FHIT: variants seen among roughly 807,000 people sequenced by gnomAD.
FHIT encodes the protein fragile histidine triad diadenosine triphosphatase, also known as bis(5'-adenosyl)-triphosphatase.
In FHIT, 19 loss-of-function variants were observed where a neutral mutation model predicts 17.9. The observed-to-expected ratio is 1.06, with a 90% confidence interval of 0.74 to 1.56. FHIT has a LOEUF of 1.56. Among genes scored for constraint, FHIT ranks in the 40% most tolerant of loss-of-function variants. The pLI is 0.00. For missense variants in FHIT, 248 were observed against 189.2 expected (o/e 1.31, Z -1.82); for synonymous variants, 81 against 69.7 (o/e 1.16, Z -0.81).
intron 3 of FHIT, among the ~76,000 whole-genome samples, chr3:60,845,170 A>C (rs1702880909): frequency 6.6e-6 from 1 of 152,154 alleles, no homozygotes. Flanking sequence ...TTTTGTAAAA[A>C]TGTTAGTGTT....
At chr3:59,950,165 C>G (rs1707042612) in intron 7 of FHIT, among the ~76,000 whole-genome samples, 1 of 152,136 alleles carries the variant, frequency 6.6e-6, no homozygotes, top group African/African-American at 2.4e-5. Context: ...TTCTAAAGAT[C>G]ACATGCAATA....
At chr3:60,557,684 G>A (rs1260494909) in intron 4 of FHIT, among the ~76,000 whole-genome samples, 3 of 151,904 alleles carry the variant, frequency 2.0e-5, no homozygotes, top group African/African-American at 7.3e-5. Flanking sequence ...GCATATGCCA[G>A]TTACTAAGGG....
At chr3:60,359,071 A>C (rs1699789388) in intron 5 of FHIT, among the ~76,000 whole-genome samples, 1 of 152,156 alleles carries the variant, frequency 6.6e-6, no homozygotes, top group Admixed American at 6.6e-5. Flanking sequence ...CTGAGAATAC[A>C]GCAGGTATTC....
intron 7 of FHIT, among the ~76,000 whole-genome samples, chr3:59,995,495 G>GA (rs1272464444): frequency 2.6e-5 from 4 of 152,022 alleles, no homozygotes; most frequent in Admixed American, 2.0e-4. Flanking sequence ...CAGAGGTTAA[G>GA]AAAAAACTCA....
intron 3 of FHIT, among the ~76,000 whole-genome samples, chr3:61,028,915 G>T (rs151122987): frequency 4.6e-4 from 69 of 150,500 alleles, no homozygotes; most frequent in African/African-American, 1.6e-3. Context: ...AAAAAAAACA[G>T]AGATTACATA....
intron 3 of FHIT, among the ~76,000 whole-genome samples, chr3:60,947,825 C>T (rs771988156): frequency 5.9e-5 from 9 of 152,026 alleles, no homozygotes; most frequent in Admixed American, 4.6e-4. Context: ...AGGGGATAGG[C>T]GAAGTCCAGA....
intron 8 of FHIT, among the ~76,000 whole-genome samples, chr3:59,839,089 G>A (rs971415796): frequency 6.6e-6 from 1 of 152,120 alleles, no homozygotes; most frequent in Non-Finnish European, 1.5e-5. Context: ...GGCCGAGGCA[G>A]GTGGATCACT....
intron 7 of FHIT, among the ~76,000 whole-genome samples, chr3:60,006,508 C>T (rs1327873779): frequency 6.6e-6 from 1 of 152,056 alleles, no homozygotes; most frequent in Non-Finnish European, 1.5e-5. Context: ...TGTGGCAGGG[C>T]CGGGATTTGA....
chr3:60,368,209 A>AAG (rs1700189737), intron 5 of FHIT, among the ~76,000 whole-genome samples: 1 of 151,416 alleles, frequency 6.6e-6, no homozygotes, highest in African/African-American at 2.4e-5. Context: ...AAAAAAAAAA[A>AAG]AAAGAAACTG....
intron 4 of FHIT, among the ~76,000 whole-genome samples, chr3:60,607,701 C>T (rs2038651919): frequency 6.6e-6 from 1 of 152,024 alleles, no homozygotes; most frequent in South Asian, 2.1e-4. Context: ...CTCTGACATC[C>T]TAACAAGGTT....
chr3:61,032,387 T>C (rs1016638419), intron 3 of FHIT, among the ~76,000 whole-genome samples: 1 of 152,106 alleles, frequency 6.6e-6, no homozygotes, highest in Non-Finnish European at 1.5e-5. Context: ...TACCAGAAGG[T>C]GAATCTTCAC....
intron 5 of FHIT, among the ~76,000 whole-genome samples, chr3:60,108,426 G>T (rs978315731): frequency 2.6e-5 from 4 of 152,060 alleles, no homozygotes; most frequent in Admixed American, 6.6e-5. Context: ...CAGTTTTTCT[G>T]TGTATTCATT....
At chr3:60,939,226 T>C (rs1328273927) in intron 3 of FHIT, among the ~76,000 whole-genome samples, 4 of 152,254 alleles carry the variant, frequency 2.6e-5, no homozygotes, top group Non-Finnish European at 4.4e-5. Flanking sequence ...TTGATTCTCT[T>C]GCACGCACTT....
chr3:60,441,724 T>TATATATA, intron 5 of FHIT, among the ~76,000 whole-genome samples: 1 of 62,998 alleles, frequency 1.6e-5, no homozygotes, highest in East Asian at 6.8e-4. Context: ...ATATATATAT[T>TATATATA]TGTATTTATA....
intron 3 of FHIT, among the ~76,000 whole-genome samples, chr3:60,875,350 C>T (rs1704597633): frequency 6.6e-6 from 1 of 152,148 alleles, no homozygotes; most frequent in South Asian, 2.1e-4. Flanking sequence ...TATCCTACTC[C>T]CACTTTCCAA....
intron 7 of FHIT, among the ~76,000 whole-genome samples, chr3:59,944,378 G>A (rs968638782): frequency 6.6e-6 from 1 of 152,088 alleles, no homozygotes; most frequent in African/African-American, 2.4e-5. Flanking sequence ...CTTTGGGGAG[G>A]CACTCCTGTT....
At chr3:61,136,856 C>A (rs1178437862) in intron 2 of FHIT, among the ~76,000 whole-genome samples, 1 of 152,200 alleles carries the variant, frequency 6.6e-6, no homozygotes, top group East Asian at 1.9e-4. Context: ...CCTTTTTAAT[C>A]TACTGGAAAG....
At chr3:59,761,602 ATTTAT>A (rs891777527) in intron 8 of FHIT, among the ~76,000 whole-genome samples, 4 of 151,962 alleles carry the variant, frequency 2.6e-5, no homozygotes, top group Admixed American at 2.6e-4. Context: ...GATCTTAGCA[ATTTAT>A]TTTATTTTTT....
intron 8 of FHIT, among the ~76,000 whole-genome samples, chr3:59,900,579 C>T (rs966834399): frequency 1.1e-4 from 17 of 152,110 alleles, no homozygotes; most frequent in Admixed American, 7.2e-4. Context: ...TATCCCAAGA[C>T]GGGGTGGCTC....
Sources: allele counts gnomAD v4.1 joint callset (sites outside exome capture counted in the v4.1 genomes callset), GRCh38; gene constraint gnomAD v4.1.1; transcripts MANE v1.5; gene names NCBI Gene and HGNC (gene_info 2026-07-23, HGNC 2026-07-21).